Variants in FANCD2 observed in about 807,000 individuals in gnomAD.
The protein encoded by FANCD2 is FA complementation group D2, also known as Fanconi anemia group D2 protein.
In FANCD2, 131 loss-of-function variants were observed where a neutral mutation model predicts 192.3. That is an observed-to-expected ratio of 0.68 (90% CI 0.59 to 0.79). The LOEUF is 0.79. FANCD2 is among the 30% of genes least tolerant of loss of function. The pLI, the probability that FANCD2 is intolerant of heterozygous loss-of-function variation, is 0.00. For missense variants in FANCD2, 1,508 were observed against 1,701.6 expected (o/e 0.89, Z 2.00); for synonymous variants, 524 against 612.5 (o/e 0.86, Z 2.13).
At position 10,098,783 on chromosome 3, in the gene FANCD2, T is replaced by A; in HGVS notation, c.4249T>A (p.Ser1417Thr). 1 of 1,614,188 alleles carries A rather than the reference T, an allele frequency of 6.2e-7. No individual in the cohort carries two copies. Among genetic ancestry groups the A allele is most frequent in the East Asian group, 2.2e-5 (1 of 44,880 alleles). ...STADESEDDM[S>T]SQASKSKATE... ...AGCAGATGAGAGTGAGGATGACATG[T>A]CATCCCAGGCCTCCAAGAGCAAAGC... The change falls in exon 43 of 44, where the codon TCA becomes ACA. Residue 1417 changes from serine to threonine, a missense_variant. Ser to Thr is a moderately conservative substitution (Grantham distance 58). Coordinates refer to ENST00000675286, the MANE Select transcript of FANCD2 (RefSeq NM_001018115.3).
In FANCD2 at chr3:10,039,263, C is replaced by G; in HGVS notation, c.492-16C>G. On this transcript the variant is annotated splice_polypyrimidine_tract_variant and intron_variant, in intron 7 of 43. Coordinates refer to ENST00000675286, the MANE Select transcript of FANCD2 (RefSeq NM_001018115.3). ...AGAAAGGCTCAGTTCCCTGTTTTCT[C>G]TTCCTAACATTTTAGCAAGAACAGT... 6.2e-7 allele frequency: 1 copy of G among 1,602,518 alleles called. No homozygotes were observed. The highest frequency in any genetic ancestry group is 8.5e-7 in the Non-Finnish European group (1 of 1,170,270).
rs535872780 is a variant in FANCD2, at chr3:10,045,039, G to A, written c.1134+1175G>A. Among the ~76,000 whole-genome samples, 154 of 138,222 alleles carry A rather than the reference G, an allele frequency of 1.1e-3. 1 individual carries two copies. Among genetic ancestry groups the A allele is most frequent in the Non-Finnish European group, 1.4e-3 (91 of 65,236 alleles). The allele number at this position is 138,222 out of a possible 152,430, so 90.7% of individuals were successfully genotyped here. A position where few individuals can be genotyped will look rare whatever the true frequency, so the allele number is the denominator to read the frequency against. Reference sequence around the variant, plus strand: ...GTGGAGCATTCAGTTAAGATAAGTAGTAAAATTTTTTTTGTTTTTTCTTGT... The same window carrying A: ...GTGGAGCATTCAGTTAAGATAAGTAATAAAATTTTTTTTGTTTTTTCTTGT... On this transcript the variant is annotated intron_variant, in intron 14 of 43. Coordinates refer to ENST00000675286, the MANE Select transcript of FANCD2 (RefSeq NM_001018115.3).
chr3:10,079,225 T>G (rs1693692721), intron 30 of FANCD2, among the ~76,000 whole-genome samples: 3 of 151,604 alleles, frequency 2.0e-5, no homozygotes, highest in Non-Finnish European at 1.5e-5. Flanking sequence ...GCCTGGGCAT[T>G]AGAACAAGAC....
chr3:10,054,397 G>GTA (rs1476712513), intron 18 of FANCD2, among the ~76,000 whole-genome samples: 1 of 79,236 alleles, frequency 1.3e-5, no homozygotes, highest in African/African-American at 7.0e-5. Flanking sequence ...ATGTATATAC[G>GTA]TATATGTATA....
chr3:10,081,550 A>G (rs1258549863), intron 32 of FANCD2, 86 bp downstream of exon 32: 4 of 969,262 alleles, frequency 4.1e-6, no homozygotes, highest in Admixed American at 1.7e-5. Context: ...TAGAAAAGAA[A>G]GAAAAGGTTC....
chr3:10,031,458 C>T (rs903892423), intron 2 of FANCD2, among the ~76,000 whole-genome samples: 6 of 148,412 alleles, frequency 4.0e-5, no homozygotes, highest in South Asian at 2.1e-4. Flanking sequence ...GCCAAGATCG[C>T]GCCACTGCAC....
chr3:10,067,661 G>A (rs1311210662), intron 26 of FANCD2, among the ~76,000 whole-genome samples: 2 of 152,190 alleles, frequency 1.3e-5, no homozygotes, highest in Non-Finnish European at 2.9e-5. Context: ...AGCCAGGCGT[G>A]GTTGTGGGCA....
Position 10,032,468 on chromosome 3 carries a change from AT to A in FANCD2, c.65-363del, listed in dbSNP as rs1375805730. 5 of 108,788 alleles carry A rather than the reference AT, an allele frequency of 4.6e-5. No homozygotes were observed. In the African/African-American group the frequency reaches 5.5e-4, roughly 12 times the overall value. The allele number at this position is 108,788 out of a possible 1,614,324, so 6.7% of individuals were successfully genotyped here. A position where few individuals can be genotyped will look rare whatever the true frequency, so the allele number is the denominator to read the frequency against. ...ACTAGTTTGTGTGTGGAGGGGGGGA[AT>A]GGGGGTGAAGGGGGGGAGATGGGGG... On this transcript the variant is annotated intron_variant, in intron 2 of 43. Coordinates refer to ENST00000675286, the MANE Select transcript of FANCD2 (RefSeq NM_001018115.3).
intron 18 of FANCD2, among the ~76,000 whole-genome samples, chr3:10,054,583 C>A (rs1369044225): frequency 1.4e-5 from 2 of 139,942 alleles, no homozygotes; most frequent in African/African-American, 5.3e-5. Context: ...TCCCAGGTTC[C>A]CGCCATTCTC....
At chr3:10,039,882 A>T in intron 9 of FANCD2, 37 bp downstream of exon 9, 1 of 1,613,186 alleles carries the variant, frequency 6.2e-7, no homozygotes, top group South Asian at 1.1e-5. Flanking sequence ...AGTGAGGCTC[A>T]GCTATGGGGG....
chr3:10,083,684 C>G (rs889436326), intron 32 of FANCD2: 3 of 151,992 alleles, frequency 2.0e-5, no homozygotes, highest in African/African-American at 7.3e-5. Flanking sequence ...GTCAGGAGAT[C>G]GAGACCGTCC....
intron 26 of FANCD2, among the ~76,000 whole-genome samples, chr3:10,069,828 G>C (rs1481778544): frequency 6.6e-6 from 1 of 152,114 alleles, no homozygotes; most frequent in African/African-American, 2.4e-5. Context: ...CCACCTCCCA[G>C]CCACCTGCCT....
At chr3:10,033,257 C>T (rs961911728) in intron 3 of FANCD2, among the ~76,000 whole-genome samples, 4 of 152,082 alleles carry the variant, frequency 2.6e-5, no homozygotes, top group Admixed American at 6.6e-5. Flanking sequence ...AAAAATTAGC[C>T]GGGCATGGTG....
At chr3:10,067,346 C>T (rs780680176) in intron 26 of FANCD2, 29 bp downstream of exon 26, 2 of 1,313,338 alleles carry the variant, frequency 1.5e-6, no homozygotes, top group Non-Finnish European at 1.1e-6. Flanking sequence ...ACTGGTAGTA[C>T]TACTAGGCCA....
In FANCD2 at chr3:10,046,677, G is replaced by T. The variant is rs886057663; in HGVS notation, c.1232G>T (p.Cys411Phe). ...RVLRNKIRSG[C>F]IQEQLLQSTF... Reference sequence around the variant, plus strand: ...CTAAGAAATAAGATTCGATCAGGCTGCATTCAAGAACAGCTGCTCCAGAGT... The same window carrying T: ...CTAAGAAATAAGATTCGATCAGGCTTCATTCAAGAACAGCTGCTCCAGAGT... Residue 411 changes from cysteine (C) to phenylalanine (F), a missense_variant, in exon 15 of 44, where the codon TGC (cysteine) becomes TTC (phenylalanine). Physicochemically the swap from Cys to Phe is radical, Grantham distance 205 (BLOSUM62 -2). Coordinates refer to ENST00000675286, the MANE Select transcript of FANCD2 (RefSeq NM_001018115.3). The T allele has an allele frequency of 6.2e-7, 1 of 1,614,204 alleles. No individual in the cohort carries two copies. The highest frequency in any genetic ancestry group is 1.6e-4 in the Middle Eastern group (1 of 6,062).
chr3:10,098,598 T>C (rs1575876891), intron 42 of FANCD2, 122 bp from the exon 43 acceptor site: 9 of 1,194,378 alleles, frequency 7.5e-6, no homozygotes. Context: ...GGTATCCATG[T>C]TTGCTGTGTT....
chr3:10,039,620 T>C, intron 8 of FANCD2, 101 bp from the exon 9 acceptor site: 1 of 1,310,654 alleles, frequency 7.6e-7, no homozygotes, highest in Non-Finnish European at 1.1e-6. Flanking sequence ...TAAATGACTG[T>C]GTTTATTTCT....
rs1396177558 is a variant in FANCD2 at position 10,054,586 on chromosome 3, C to T, written c.1656+2089C>T. ...GCAAACTCCGCCTCCCAGGTTCCCGCCATTCTCCTGCTTCAGCCTCCCAAG... is the reference window on the plus strand; with the variant it reads ...GCAAACTCCGCCTCCCAGGTTCCCGTCATTCTCCTGCTTCAGCCTCCCAAG... On this transcript the variant is annotated intron_variant, in intron 18 of 43. Coordinates refer to ENST00000675286, the MANE Select transcript of FANCD2 (RefSeq NM_001018115.3). Among the ~76,000 whole-genome samples the T allele has an allele frequency of 2.8e-5, 4 of 143,704 alleles. No individual in the cohort carries two copies. The Admixed American group carries it at 2.8e-4, about 10-fold the overall frequency. 94.3% of individuals were successfully genotyped at this position (143,704 alleles called of 152,430 possible). A position where few individuals can be genotyped will look rare whatever the true frequency, so the allele number is the denominator to read the frequency against.
intron 1 of FANCD2, 52 bp downstream of exon 1, chr3:10,026,525 G>C (rs1234024348): frequency 2.1e-6 from 1 of 486,300 alleles, no homozygotes; most frequent in African/African-American, 2.1e-5. Context: ...CTCCCCTGCG[G>C]CCTAATCTCT....
Sources: gnomAD v4.1 joint callset for allele counts (sites outside exome capture counted in the v4.1 genomes callset) on GRCh38, gnomAD v4.1.1 for gene constraint, MANE v1.5 for transcripts, NCBI Gene and HGNC (gene_info 2026-07-23, HGNC 2026-07-21) for gene names.